Variants in NSD1 observed in about 807,000 individuals in gnomAD.
NSD1 encodes the protein nuclear receptor binding SET domain protein 1, also known as histone-lysine N-methyltransferase, H3 lysine-36 specific.
Under a neutral mutation model 242.7 loss-of-function variants are expected in NSD1, and 26 were observed. That is an observed-to-expected ratio of 0.11 (90% CI 0.08 to 0.15). The LOEUF is 0.15. NSD1 is among the 10% of genes least tolerant of loss of function. NSD1 has a pLI of 1.00. For missense variants in NSD1, 2,495 were observed against 3,272.8 expected (o/e 0.76, Z 5.80); for synonymous variants, 1,106 against 1,178.1 (o/e 0.94, Z 1.25).
intron 12 of NSD1, among the ~76,000 whole-genome samples, chr5:177,256,150 A>G (rs780038479): frequency 3.5e-4 from 54 of 152,244 alleles, no homozygotes; most frequent in Non-Finnish European, 6.9e-4. Context: ...GAGAGAGGCC[A>G]AAAACGTCTC....
intron 2 of NSD1, among the ~76,000 whole-genome samples, chr5:177,186,084 AT>A (rs1761198958): frequency 8.9e-6 from 1 of 112,858 alleles, no homozygotes. Flanking sequence ...TATATAATAT[AT>A]TATATATAAC....
chr5:177,181,023 G>A (rs190313680), intron 2 of NSD1, among the ~76,000 whole-genome samples: 32 of 149,676 alleles, frequency 2.1e-4, no homozygotes, highest in Non-Finnish European at 2.4e-4. Context: ...TTTTGTAGAT[G>A]AGCAAAAAAA....
chr5:177,179,069 A>G (rs1195984104), intron 2 of NSD1, among the ~76,000 whole-genome samples: 1 of 152,202 alleles, frequency 6.6e-6, no homozygotes, highest in Non-Finnish European at 1.5e-5. Context: ...GATCAAGTGC[A>G]TGGAGGTGTG....
chr5:177,237,262 A>C (rs1189300194), intron 6 of NSD1, among the ~76,000 whole-genome samples: 1 of 152,170 alleles, frequency 6.6e-6, no homozygotes, highest in African/African-American at 2.4e-5. Flanking sequence ...ATTAACTGAT[A>C]GTCTCTTTCA....
chr5:177,139,344 G>T (rs1320391969), intron 2 of NSD1, among the ~76,000 whole-genome samples: 1 of 151,482 alleles, frequency 6.6e-6, no homozygotes, highest in Non-Finnish European at 1.5e-5. Flanking sequence ...GGCTCGGGAG[G>T]TTGAGGCAGG....
At chr5:177,212,473 CTT>C (rs1562214741) in intron 5 of NSD1, among the ~76,000 whole-genome samples, 5 of 143,294 alleles carry the variant, frequency 3.5e-5, no homozygotes, top group East Asian at 3.9e-4. Flanking sequence ...CTCTCTCTCT[CTT>C]TCTCTCTCTC....
intron 2 of NSD1, among the ~76,000 whole-genome samples, chr5:177,180,508 G>A (rs534421131): frequency 1.3e-5 from 2 of 151,782 alleles, no homozygotes; most frequent in African/African-American, 4.8e-5. Flanking sequence ...CACCTGCCTC[G>A]GCCTCCCAGA....
chr5:177,284,692 A>G (rs1176341448), intron 20 of NSD1, among the ~76,000 whole-genome samples: 1 of 152,246 alleles, frequency 6.6e-6, no homozygotes, highest in Non-Finnish European at 1.5e-5. Context: ...TTTAGAAACT[A>G]CTAGCTCTTC....
At position 177,246,697 on chromosome 5, in the gene NSD1, C is replaced by A. The variant is rs74922885; in HGVS notation, c.4398C>A (p.Asp1466Glu). ...DFGGGTTKIF[D>E]KPRKRKRQRH... is the part of the protein sequence containing the mutation. ...TCATAGGCACTACCAAGATATTTGA[C>A]AAGCCAAGGAAGCGAAAACGACAGA... is the stretch of plus-strand genomic sequence containing the variant. Residue 1466 changes from aspartate (D) to glutamate (E), a missense_variant, in exon 10 of 23, where the codon GAC becomes GAA. Around this residue, in one of 19 missense-constraint regions of NSD1, gnomAD observed 97 missense variants for 97.7 expected, o/e 0.99. Transcript: ENST00000439151. 1 of 1,613,706 alleles carries A rather than the reference C, an allele frequency of 6.2e-7. No individual in the cohort carries two copies. The highest frequency in any genetic ancestry group is 8.5e-7 in the Non-Finnish European group (1 of 1,179,802).
chr5:177,197,360 C>T (rs775325607), intron 3 of NSD1, among the ~76,000 whole-genome samples: 1 of 152,036 alleles, frequency 6.6e-6, no homozygotes, highest in Non-Finnish European at 1.5e-5. Flanking sequence ...CAGTGGCTCA[C>T]GCCTATAATC....
chr5:177,240,167 T>C (rs904144642), intron 8 of NSD1, among the ~76,000 whole-genome samples: 1 of 152,182 alleles, frequency 6.6e-6, no homozygotes, highest in Admixed American at 6.5e-5. Context: ...CTTACCTGTT[T>C]TCTACTAAAC....
Position 177,138,094 on chromosome 5 carries a change from A to AAAAC in NSD1, c.927+2084_927+2087dup, listed in dbSNP as rs140274552. Among the ~76,000 whole-genome samples, 4 of 136,078 alleles carry AAAAC rather than the reference A, an allele frequency of 2.9e-5. No individual in the cohort carries two copies. In the East Asian group the frequency reaches 7.8e-4, roughly 27 times the overall value. The allele number at this position is 136,078 out of a possible 152,430, so 89.3% of individuals were successfully genotyped here. A position where few individuals can be genotyped will look rare whatever the true frequency, so the allele number is the denominator to read the frequency against. ...CTGTCTCAAAAAAAAAAACAACAAAAAAACAAACAAACAAACAAACAAAAA... is the reference window on the plus strand; with the variant it reads ...CTGTCTCAAAAAAAAAAACAACAAAAAAACAAACAAACAAACAAACAAACAAAAA... On this transcript the variant is annotated intron_variant, in intron 2 of 22. Coordinates refer to ENST00000439151, the MANE Select transcript of NSD1 (RefSeq NM_022455.5).
chr5:177,273,693 G>A lies in NSD1; in HGVS notation c.5531G>A (p.Arg1844Lys). ...YKKALQEAAA[R>K]FEELKAQKEL... ...ATAGCTCTTCAGGAAGCTGCAGCAA[G>A]GTTTGAGGAATTAAAGGCCCAAAAA... is the stretch of plus-strand genomic sequence containing the variant. The change falls in exon 17 of 23, where the codon AGG becomes AAG. Residue 1844 changes from arginine to lysine, a missense_variant. Transcript: ENST00000439151. 1 of 1,613,584 alleles carries A rather than the reference G, an allele frequency of 6.2e-7. No individual in the cohort carries two copies.
intron 5 of NSD1, 44 bp downstream of exon 5, chr5:177,212,239 G>A (rs765444636): frequency 1.3e-6 from 2 of 1,582,576 alleles, no homozygotes; most frequent in Non-Finnish European, 1.7e-6. Context: ...ATTGGAGAAA[G>A]TGCTGATAAA....
intron 16 of NSD1, among the ~76,000 whole-genome samples, chr5:177,270,830 GCTC>G (rs888889379): frequency 2.0e-5 from 3 of 152,330 alleles, no homozygotes; most frequent in Admixed American, 2.0e-4. Flanking sequence ...TATTTTAGTA[GCTC>G]CTCACTTACC....
intron 5 of NSD1, among the ~76,000 whole-genome samples, chr5:177,212,909 G>C (rs1224670345): frequency 6.6e-6 from 1 of 152,118 alleles, no homozygotes; most frequent in Non-Finnish European, 1.5e-5. Context: ...GGATACAGGC[G>C]TGAGCCACTG....
At chr5:177,181,309 A>C (rs751111326) in intron 2 of NSD1, among the ~76,000 whole-genome samples, 1 of 152,102 alleles carries the variant, frequency 6.6e-6, no homozygotes, top group Non-Finnish European at 1.5e-5. Context: ...AAAAAGAGAG[A>C]AAGAAGCTCT....
chr5:177,138,574 G>A (rs2149760338), intron 2 of NSD1, among the ~76,000 whole-genome samples: 1 of 151,654 alleles, frequency 6.6e-6, no homozygotes, highest in Admixed American at 6.6e-5. Context: ...ATTATTTTAG[G>A]AATTTGGTTC....
intron 2 of NSD1, among the ~76,000 whole-genome samples, chr5:177,174,558 T>G (rs116723745): frequency 6.6e-5 from 10 of 151,364 alleles, no homozygotes; most frequent in African/African-American, 2.4e-4. Flanking sequence ...AAAATACTTA[T>G]CTGAATTTTT....
Sources: allele counts gnomAD v4.1 joint callset (sites outside exome capture counted in the v4.1 genomes callset), GRCh38; gene constraint gnomAD v4.1.1; regional missense constraint gnomAD v4.1.1; transcripts MANE v1.5; gene names NCBI Gene and HGNC (gene_info 2026-07-23, HGNC 2026-07-21).